The following MAJIN variants were observed in gnomAD, a reference collection of about 807,000 sequenced individuals.
MAJIN encodes the protein membrane-anchored junction protein.
In MAJIN, 27 loss-of-function variants were observed where a neutral mutation model predicts 30.2. The ratio of observed to expected loss-of-function variants is 0.89; its 90% CI spans 0.66 to 1.23. MAJIN has a LOEUF of 1.23. Ranked by LOEUF, MAJIN falls within the 50% of genes most tolerant of loss-of-function variation. MAJIN has a pLI of 0.00. For synonymous variants in MAJIN, 78 were observed against 91.6 expected (o/e 0.85, Z 0.85); for missense variants, 253 against 260.3 (o/e 0.97, Z 0.19).
At chr11:64,941,636 G>C (rs1321773556) in intron 8 of MAJIN, among the ~76,000 whole-genome samples, 2 of 152,174 alleles carry the variant, frequency 1.3e-5, no homozygotes, top group Non-Finnish European at 2.9e-5. Flanking sequence ...GGGCGAGAGA[G>C]TGAGACTCCA....
intron 8 of MAJIN, chr11:64,946,144 T>G: frequency 1.3e-6 from 2 of 1,535,502 alleles, no homozygotes; most frequent in Non-Finnish European, 1.7e-6. Flanking sequence ...TGGAAGTCCC[T>G]ATCTTGGCCC....
chr11:64,941,548 T>A (rs1365475208), intron 8 of MAJIN, among the ~76,000 whole-genome samples: 1 of 152,084 alleles, frequency 6.6e-6, no homozygotes, highest in Non-Finnish European at 1.5e-5. Context: ...TCTCAGCTAC[T>A]CAGGAGGCTG....
In MAJIN at chr11:64,954,474, G is replaced by C; in HGVS notation, c.147+283C>G. 6.0e-6 allele frequency: 3 copies of C among 502,960 alleles called. No homozygotes were observed. The Admixed American group carries it at 9.5e-5, about 16-fold the overall frequency. 31.2% of individuals were successfully genotyped at this position (502,960 alleles called of 1,614,324 possible). ...GCAGTCCTCCGGAATCTTTCTCTAT[G>C]CCAGCTGCAACAAAAGAGAGCTGCC... On this transcript the variant is annotated intron_variant, in intron 4 of 10. Coordinates refer to ENST00000301896, the MANE Select transcript of MAJIN (RefSeq NM_001037225.3).
intron 2 of MAJIN, among the ~76,000 whole-genome samples, chr11:64,959,851 C>T (rs1217776300): frequency 6.6e-6 from 1 of 152,146 alleles, no homozygotes; most frequent in Non-Finnish European, 1.5e-5. Context: ...TGACACAATC[C>T]AAAGGATACA....
chr11:64,950,482 T>C lies in MAJIN; in HGVS notation c.148-52A>G, dbSNP rs1945535117. The C allele has an allele frequency of 9.2e-6, 14 of 1,514,408 alleles. No individual in the cohort carries two copies. In the African/African-American group the frequency reaches 1.2e-4, roughly 13 times the overall value. 93.8% of individuals were successfully genotyped at this position (1,514,408 alleles called of 1,614,324 possible). ...AACACTGTTGAGTCTCAGCCAGTCT[T>C]TGTTTATATTTGTCACTGCTACTCA... On this transcript the variant is annotated intron_variant, in intron 4 of 10. Coordinates refer to ENST00000301896, the MANE Select transcript of MAJIN (RefSeq NM_001037225.3).
At chr11:64,957,800 G>A (rs763159137) in intron 3 of MAJIN, among the ~76,000 whole-genome samples, 67 of 152,116 alleles carry the variant, frequency 4.4e-4, no homozygotes, top group African/African-American at 1.4e-3. Flanking sequence ...GGGTTCAAGC[G>A]ATTCTCCTGC....
At chr11:64,966,160 A>AAAAAAAAAAAAAAC in intron 1 of MAJIN, among the ~76,000 whole-genome samples, 1 of 150,160 alleles carries the variant, frequency 6.7e-6, no homozygotes, top group Non-Finnish European at 1.5e-5. Flanking sequence ...AAAAAAAAAA[A>AAAAAAAAAAAAAAC]AAAAAGCAGC....
intron 1 of MAJIN, among the ~76,000 whole-genome samples, chr11:64,964,228 G>C (rs937218764): frequency 2.6e-5 from 4 of 152,200 alleles, no homozygotes; most frequent in African/African-American, 9.6e-5. Flanking sequence ...ACAGGCGTGA[G>C]CCACCGCACC....
At chr11:64,946,189 G>C in intron 8 of MAJIN, 1 of 1,518,744 alleles carries the variant, frequency 6.6e-7, no homozygotes, top group Non-Finnish European at 8.8e-7. Context: ...AAATGTTACT[G>C]GCAGAGGCAA....
chr11:64,948,639 ATTTTTTTTTTTTTTTTTTTT>A (rs71049670), intron 6 of MAJIN, among the ~76,000 whole-genome samples: 7 of 18,480 alleles, frequency 3.8e-4, no homozygotes, highest in African/African-American at 5.8e-4. Context: ...ATATATATAT[ATTTTTTTTTTTTTTTTTTTT>A]TTTTTTTTTT....
intron 3 of MAJIN, 42 bp downstream of exon 3, chr11:64,959,236 GGTGACCTGTGGGAATGCACTAGCACTA>G: frequency 1.6e-6 from 2 of 1,261,380 alleles, no homozygotes; most frequent in Non-Finnish European, 2.3e-6. Context: ...GTAAAGAAGA[GGTGACCTGTGGGAATGCACTAGCACTA>G]ACTGGTGTTT....
intron 1 of MAJIN, among the ~76,000 whole-genome samples, chr11:64,965,589 G>C (rs915950096): frequency 6.6e-6 from 1 of 152,136 alleles, no homozygotes; most frequent in Non-Finnish European, 1.5e-5. Flanking sequence ...TTCTGGAAAT[G>C]CAATAGCGTC....
At chr11:64,951,083 A>T (rs12789484) in intron 4 of MAJIN, among the ~76,000 whole-genome samples, 1 of 152,204 alleles carries the variant, frequency 6.6e-6, no homozygotes, top group Non-Finnish European at 1.5e-5. Flanking sequence ...AGTCTTTACT[A>T]CATTCCACAT....
intron 4 of MAJIN, among the ~76,000 whole-genome samples, chr11:64,951,764 C>CAAA (rs11329539): frequency 3.1e-5 from 3 of 95,884 alleles, no homozygotes; most frequent in Non-Finnish European, 4.3e-5. Flanking sequence ...AACCTTGTCT[C>CAAA]AAAAAAAAAA....
intron 4 of MAJIN, among the ~76,000 whole-genome samples, chr11:64,951,939 A>C (rs1265615909): frequency 1.3e-5 from 2 of 152,104 alleles, no homozygotes; most frequent in Non-Finnish European, 2.9e-5. Flanking sequence ...CCCAGGCTGG[A>C]GTGCAGCCGC....
Position 64,959,353 on chromosome 11 carries a change from G to A in MAJIN, c.53C>T (p.Ala18Val). 1 of 1,614,038 alleles carries A rather than the reference G, an allele frequency of 6.2e-7. No individual in the cohort carries two copies. Among genetic ancestry groups the A allele is most frequent in the Non-Finnish European group, 8.5e-7 (1 of 1,179,942 alleles). Residue 18 changes from alanine (A) to valine (V), a missense_variant, in exon 3 of 11, where the codon GCA becomes GTA. Coordinates refer to ENST00000301896, the MANE Select transcript of MAJIN (RefSeq NM_001037225.3). ...TTTGAATTTATACACATTGGGTCCTGCATGAAGAAACCTCGTCTCTGGAAA... is the reference window on the plus strand; with the variant it reads ...TTTGAATTTATACACATTGGGTCCTACATGAAGAAACCTCGTCTCTGGAAA... ...YPFPETRFLH[A>V]GPNVYKFKIR...
intron 3 of MAJIN, among the ~76,000 whole-genome samples, chr11:64,956,520 G>T (rs78105594): frequency 1.3e-5 from 2 of 151,484 alleles, no homozygotes; most frequent in East Asian, 3.9e-4. Context: ...ATCATCCTAG[G>T]TCAAATATTC....
intron 3 of MAJIN, among the ~76,000 whole-genome samples, chr11:64,957,904 T>C (rs1034401376): frequency 2.0e-5 from 3 of 151,964 alleles, no homozygotes; most frequent in Non-Finnish European, 4.4e-5. Flanking sequence ...TTGCATATAT[T>C]ATTCTTAAAT....
intron 3 of MAJIN, among the ~76,000 whole-genome samples, chr11:64,958,797 G>A (rs916183051): frequency 1.3e-5 from 2 of 151,720 alleles, no homozygotes; most frequent in Non-Finnish European, 2.9e-5. Flanking sequence ...GCTAATTTTT[G>A]TATTTTTAGT....
Sources: allele counts gnomAD v4.1 joint callset (sites outside exome capture counted in the v4.1 genomes callset), GRCh38; gene constraint gnomAD v4.1.1; transcripts MANE v1.5; gene names NCBI Gene and HGNC (gene_info 2026-07-23, HGNC 2026-07-21).